Variants in STXBP2 observed in about 807,000 individuals in gnomAD.
STXBP2 encodes the protein syntaxin binding protein 2.
STXBP2 carries 47 observed loss-of-function variants against 72.2 expected under a neutral mutation model. That is an observed-to-expected ratio of 0.65 (90% CI 0.51 to 0.83). STXBP2 has a LOEUF of 0.83. Ranked by LOEUF, STXBP2 falls within the 40% of genes least tolerant of loss-of-function variation. The pLI is 0.00. For synonymous variants in STXBP2, 367 were observed against 338.7 expected (o/e 1.08, Z -0.92); for missense variants, 702 against 807.6 (o/e 0.87, Z 1.58).
chr19:7,641,879 C>CCCA, intron 7 of STXBP2, 26 bp downstream of exon 7: 2 of 1,379,044 alleles, frequency 1.5e-6, no homozygotes, highest in Non-Finnish European at 2.0e-6. Flanking sequence ...AGCCCCACCC[C>CCCA]GATGCCGACC....
chr19:7,638,494 C>T (rs117871668), intron 1 of STXBP2, among the ~76,000 whole-genome samples: 10 of 151,922 alleles, frequency 6.6e-5, no homozygotes, highest in South Asian at 4.2e-4. Context: ...CCCAGCTACT[C>T]GGGAGGCTGA....
intron 15 of STXBP2, 66 bp from the exon 16 acceptor site, chr19:7,646,183 G>A (rs149233005): frequency 4.8e-5 from 67 of 1,395,884 alleles, no homozygotes; most frequent in Admixed American, 5.9e-5. Context: ...CACACCAGGC[G>A]CAGCCCCTCT....
chr19:7,640,244 CTG>C lies in STXBP2; in HGVS notation c.246+444_246+445del, dbSNP rs202089734. The stretch of plus-strand genomic sequence containing the variant: ...CGTCTGTGTGTGCGTCTGTGTGTAT[CTG>C]TGTGTGCATGTGTGTATGCGTGTAT... On this transcript the variant is annotated intron_variant, in intron 4 of 18. Transcript: ENST00000221283. 3,008 of 493,158 alleles carry C rather than the reference CTG, an allele frequency of 6.1e-3. 66 individuals are homozygous for C. Among genetic ancestry groups the C allele is most frequent in the African/African-American group, 0.058 (2,426 of 41,580 alleles). 30.5% of individuals were successfully genotyped at this position (493,158 alleles called of 1,614,324 possible).
chr19:7,643,322 A>T, intron 13 of STXBP2, 77 bp downstream of exon 13: 248 of 865,058 alleles, frequency 2.9e-4, no homozygotes, highest in Non-Finnish European at 4.0e-4. Context: ...AACTGTAGAG[A>T]TGGGGGGTTC....
upstream of STXBP2, among the ~76,000 whole-genome samples, chr19:7,635,275 GA>G (rs2031483059): frequency 6.6e-6 from 1 of 152,194 alleles, no homozygotes; most frequent in African/African-American, 2.4e-5. Context: ...AGGGGTTGTG[GA>G]AATGTTCTAA....
Position 7,647,857 on chromosome 19 carries a change from T to G in STXBP2, c.*47T>G, listed in dbSNP as rs190778684. 1.5e-5 allele frequency: 23 copies of G among 1,487,612 alleles called. No homozygotes were observed. The highest frequency in any genetic ancestry group is 1.9e-5 in the Non-Finnish European group (21 of 1,081,350). 92.2% of individuals were successfully genotyped at this position (1,487,612 alleles called of 1,614,324 possible). A position where few individuals can be genotyped will look rare whatever the true frequency, so the allele number is the denominator to read the frequency against. On this transcript the variant is annotated 3_prime_UTR_variant, in exon 19 of 19. Transcript: ENST00000221283. Reference sequence around the variant, plus strand: ...CCTCCCTTTCCAGAGAAATAAACTCTTCCCGTCGCTCTGCCAGCCAGTGCC... The same window carrying G: ...CCTCCCTTTCCAGAGAAATAAACTCGTCCCGTCGCTCTGCCAGCCAGTGCC...
At chr19:7,641,250 G>C in intron 6 of STXBP2, 1 of 561,140 alleles carries the variant, frequency 1.8e-6, no homozygotes, top group Non-Finnish European at 3.2e-6. Flanking sequence ...TGCACCTGTA[G>C]TCCTAGCTAC....
At chr19:7,632,608 C>A, upstream of STXBP2, 1 of 1,589,672 alleles carries the variant, frequency 6.3e-7, no homozygotes, top group Non-Finnish European at 8.5e-7. The surrounding 1 kb of genome is among the most constrained non-coding windows in gnomAD (Gnocchi z 5.2). Flanking sequence ...CTTCAGGGTG[C>A]ACAACCACCT....
intron 1 of STXBP2, 81 bp from the exon 2 acceptor site, chr19:7,638,645 C>A: frequency 6.8e-7 from 1 of 1,463,448 alleles, no homozygotes; most frequent in Non-Finnish European, 9.5e-7. Flanking sequence ...GATGGGGGTT[C>A]AGCCCCAAGG....
intron 7 of STXBP2, 27 bp downstream of exon 7, chr19:7,641,880 G>A (rs199757075): frequency 4.1e-5 from 13 of 317,110 alleles, no homozygotes; most frequent in South Asian, 1.1e-4. Flanking sequence ...GCCCCACCCC[G>A]ATGCCGACCC....
At chr19:7,631,001 G>A in the STXBP2 span, 1 of 1,018,808 alleles carries the variant, frequency 9.8e-7, no homozygotes, top group East Asian at 2.6e-5. Context: ...TTGAGGTCAG[G>A]AGTTCAAAAC....
chr19:7,644,486 C>G, intron 13 of STXBP2, 128 bp from the exon 14 acceptor site: 1 of 1,304,948 alleles, frequency 7.7e-7, no homozygotes, highest in Non-Finnish European at 1.1e-6. Flanking sequence ...CTTGAGAGAC[C>G]TGGTGCTGAG....
At chr19:7,647,630 G>C (rs1474236746) in intron 18 of STXBP2, 95 bp from the exon 19 acceptor site, 44 of 1,599,052 alleles carry the variant, frequency 2.8e-5, no homozygotes, top group Non-Finnish European at 3.5e-5. Flanking sequence ...TTTGCTGAGG[G>C]ACAGGGACAG....
chr19:7,631,636 T>C, the STXBP2 span: 4 of 1,456,824 alleles, frequency 2.7e-6, no homozygotes, highest in South Asian at 4.2e-5. Context: ...TTAAGTGTTT[T>C]ATTCTTTTAT....
chr19:7,647,431 T>C lies in STXBP2; in HGVS notation c.1616T>C (p.Met539Thr), dbSNP rs886054705. Reference sequence around the variant, plus strand: ...GGCCCCCGGCTCATCGTGTATGTCATGGGCGGTGTGGCCATGTCAGAGATG... The same window carrying C: ...GGCCCCCGGCTCATCGTGTATGTCACGGGCGGTGTGGCCATGTCAGAGATG... ...RAGPRLIVYV[M>T]GGVAMSEMRA... Residue 539 changes from methionine to threonine, a missense_variant, in exon 18 of 19, where the codon ATG (methionine) becomes ACG (threonine). By Grantham distance (81) the Met-to-Thr change is moderately conservative. Transcript: ENST00000221283. 6.2e-7 allele frequency: 1 copy of C among 1,613,522 alleles called. No homozygotes were observed. The highest frequency in any genetic ancestry group is 8.5e-7 in the Non-Finnish European group (1 of 1,179,918).
upstream of STXBP2, chr19:7,633,683 C>T: frequency 1.7e-6 from 1 of 582,904 alleles, no homozygotes; most frequent in Non-Finnish European, 3.0e-6. Flanking sequence ...GCAGGGCGAC[C>T]TGAGCTTGGA....
rs762255091 is a variant in STXBP2 at position 7,645,194 on chromosome 19, C to G, written c.1247-3C>G. On this transcript the variant is annotated splice_region_variant and splice_polypyrimidine_tract_variant and intron_variant, in intron 14 of 18. Coordinates refer to ENST00000221283, the MANE Select transcript of STXBP2 (RefSeq NM_006949.4). ...CTCCACCCTGCCCATTCCCGTCCCC[C>G]AGGTGTGAGTGAGGAGAACCTGGCC... 1.3e-6 allele frequency: 2 copies of G among 1,558,508 alleles called. No homozygotes were observed. The highest frequency in any genetic ancestry group is 1.7e-6 in the Non-Finnish European group (2 of 1,150,246).
Position 7,642,030 on chromosome 19 carries a change from C to T in STXBP2, c.579-4C>T, listed in dbSNP as rs575135858. 29 of 1,613,994 alleles carry T rather than the reference C, an allele frequency of 1.8e-5. No homozygotes were observed. In the South Asian group the frequency reaches 3.0e-4, roughly 16 times the overall value. On this transcript the variant is annotated splice_region_variant and splice_polypyrimidine_tract_variant and intron_variant, in intron 7 of 18. Coordinates refer to ENST00000221283, the MANE Select transcript of STXBP2 (RefSeq NM_006949.4). This position sits in a 1 kb window ranked among gnomAD's most constrained non-coding sequence, Gnocchi z 6.0. ...ATGTCCCCCGTGTCTGACCTCCCCG[C>T]CAGGGGCCCAGAGGACACAGCCCAG... is the stretch of plus-strand genomic sequence containing the variant.
intron 13 of STXBP2, 41 bp downstream of exon 13, chr19:7,643,286 C>T (rs765641580): frequency 6.6e-7 from 1 of 1,509,188 alleles, no homozygotes; most frequent in East Asian, 2.3e-5. Context: ...ATGGTCCTGC[C>T]AAGGCGGGGT....
Sources: gnomAD v4.1 joint callset for allele counts (sites outside exome capture counted in the v4.1 genomes callset) on GRCh38, gnomAD v4.1.1 for gene constraint, Gnocchi (gnomAD v3.1) non-coding constraint, MANE v1.5 for transcripts, NCBI Gene and HGNC (gene_info 2026-07-23, HGNC 2026-07-21) for gene names.